The following SLC35E3 variants were observed in gnomAD, a reference collection of about 807,000 sequenced individuals.
The protein encoded by SLC35E3 is solute carrier family 35 member E3.
A neutral mutation model predicts 30.8 loss-of-function variants in SLC35E3; 28 were observed. The ratio of observed to expected loss-of-function variants is 0.91; its 90% CI spans 0.67 to 1.25. SLC35E3 has a LOEUF of 1.25. Among genes scored for constraint, SLC35E3 ranks in the 50% most tolerant of loss-of-function variants. The pLI is 0.00. For synonymous variants in SLC35E3, 146 were observed against 149.2 expected (o/e 0.98, Z 0.16); for missense variants, 365 against 375.4 (o/e 0.97, Z 0.23).
rs149734088 is a variant in SLC35E3 at position 68,753,255 on chromosome 12, C to G, written c.672+1065C>G. Among the ~76,000 whole-genome samples, 613 of 151,950 alleles carry G rather than the reference C, an allele frequency of 4.0e-3. 3 individuals carry two copies. The highest frequency in any genetic ancestry group is 0.014 in the African/African-American group (580 of 41,418). Reference sequence around the variant, plus strand: ...CAAGATTGTGCCACTGCACTCCAGCCTGGGCCACAGAGCAAGACTCTGTCT... The same window carrying G: ...CAAGATTGTGCCACTGCACTCCAGCGTGGGCCACAGAGCAAGACTCTGTCT... On this transcript the variant is annotated intron_variant, in intron 3 of 4. Transcript: ENST00000398004.
rs760922773 is a variant in SLC35E3 at position 68,771,090 on chromosome 12, A to G, written c.*6200A>G. On this transcript the variant is annotated 3_prime_UTR_variant, in exon 5 of 5. Transcript: ENST00000398004. ...GGAGTTTGAGACCAGCCTGACCAAC[A>G]TGGTGAAACCCCGTCTCTACTAAAA... 3.9e-5 allele frequency: 6 copies of G among 152,200 alleles called. No homozygotes were observed. The highest frequency in any genetic ancestry group is 5.9e-5 in the Non-Finnish European group (4 of 68,100). 9.4% of individuals were successfully genotyped at this position (152,200 alleles called of 1,614,324 possible).
chr12:68,757,360 T>C (rs1194317490), intron 3 of SLC35E3, among the ~76,000 whole-genome samples: 1 of 152,192 alleles, frequency 6.6e-6, no homozygotes, highest in Non-Finnish European at 1.5e-5. Context: ...CAAGTTTAAG[T>C]TTTCTTTGGA....
In SLC35E3 at chr12:68,780,295, A is replaced by G. The variant is rs974032122; in HGVS notation, c.*15405A>G. On this transcript the variant is annotated 3_prime_UTR_variant, in exon 5 of 5. Coordinates refer to ENST00000398004, the MANE Select transcript of SLC35E3 (RefSeq NM_018656.5). The stretch of plus-strand genomic sequence containing the variant: ...GTGATACTCCCGCCTCAGCCTCCCA[A>G]GTAGCTGGGACTACAGGCATGCACC... The G allele has an allele frequency of 3.3e-5, 5 of 151,888 alleles. No individual in the cohort carries two copies. Among genetic ancestry groups the G allele is most frequent in the African/African-American group, 9.7e-5 (4 of 41,434 alleles). The allele number at this position is 151,888 out of a possible 1,614,324, so 9.4% of individuals were successfully genotyped here.
At chr12:68,756,244 A>AT (rs1003112193) in intron 3 of SLC35E3, among the ~76,000 whole-genome samples, 2 of 146,986 alleles carry the variant, frequency 1.4e-5, no homozygotes, top group Non-Finnish European at 3.0e-5. Context: ...AGGAGAGAGG[A>AT]TTTTTTTCGT....
In SLC35E3 at chr12:68,766,486, CAA is replaced by C. The variant is rs57012731; in HGVS notation, c.*1613_*1614del. ...GGGCAACAAGAGTGAAACTCCATCT[CAA>C]AAAAAAAAAAAAAAAATAGCCCTAT... On this transcript the variant is annotated 3_prime_UTR_variant, in exon 5 of 5. Coordinates refer to ENST00000398004, the MANE Select transcript of SLC35E3 (RefSeq NM_018656.5). The C allele has an allele frequency of 7.2e-3, 604 of 83,344 alleles. No homozygotes were observed. The highest frequency in any genetic ancestry group is 0.036 in the South Asian group (177 of 4,856). The allele number at this position is 83,344 out of a possible 1,614,324, so 5.2% of individuals were successfully genotyped here. A position where few individuals can be genotyped will look rare whatever the true frequency, so the allele number is the denominator to read the frequency against.
chr12:68,761,697 C>T (rs969171631), intron 4 of SLC35E3, among the ~76,000 whole-genome samples: 5 of 152,082 alleles, frequency 3.3e-5, no homozygotes, highest in South Asian at 4.1e-4. Context: ...GAGACTGCTA[C>T]GATATTCTAA....
intron 4 of SLC35E3, 64 bp from the exon 5 acceptor site, chr12:68,764,640 A>AGT (rs1362010957): frequency 4.7e-6 from 7 of 1,495,818 alleles, no homozygotes; most frequent in Non-Finnish European, 3.7e-6. Flanking sequence ...ATGCAGTGCG[A>AGT]GTGTGTGTGT....
chr12:68,748,097 C>A, intron 2 of SLC35E3, 57 bp downstream of exon 2: 2 of 999,108 alleles, frequency 2.0e-6, no homozygotes, highest in Non-Finnish European at 3.2e-6. Flanking sequence ...AATTTTGAAG[C>A]TGTATTCCAA....
rs1374774975 is a variant in SLC35E3, at chr12:68,746,713, G to C, written c.336G>C (p.Pro112=). 3 of 1,613,686 alleles carry C rather than the reference G, an allele frequency of 1.9e-6. No homozygotes were observed. The highest frequency in any genetic ancestry group is 3.3e-5 in the Admixed American group (2 of 59,988). The change falls in exon 1 of 5, where the codon CCG becomes CCC. Residue 112 remains proline, a synonymous_variant. Transcript: ENST00000398004. Reference sequence around the variant, plus strand: ...AGCTGGCCAAGGCCATGACCACGCCGGTGATCATAGCCATCCAGACCTTCT... The same window carrying C: ...AGCTGGCCAAGGCCATGACCACGCCCGTGATCATAGCCATCCAGACCTTCT... ...TYQLAKAMTT[P]VIIAIQTFCY...
At position 68,767,086 on chromosome 12, in the gene SLC35E3, A is replaced by C. The variant is rs1879450826; in HGVS notation, c.*2196A>C. ...AGCCATATAGAAACAGCCATATAAG[A>C]TCCCAATATAGAAAAATTGGGATAT... On this transcript the variant is annotated 3_prime_UTR_variant, in exon 5 of 5. Transcript: ENST00000398004. The C allele has an allele frequency of 6.5e-6, 1 of 154,552 alleles. No homozygotes were observed. Among genetic ancestry groups the C allele is most frequent in the Non-Finnish European group, 1.4e-5 (1 of 69,364 alleles). The allele number at this position is 154,552 out of a possible 1,614,324, so 9.6% of individuals were successfully genotyped here.
Position 68,746,381 on chromosome 12 carries a change from G to C in SLC35E3, c.4G>C (p.Ala2Pro). M[A>P]LLVDRVRGHW... ...CGGCCCCAGCTTCGCGGGGATCATGGCATTGCTGGTGGACCGAGTGCGGGG... is the reference window on the plus strand; with the variant it reads ...CGGCCCCAGCTTCGCGGGGATCATGCCATTGCTGGTGGACCGAGTGCGGGG... The change falls in exon 1 of 5, where the codon GCA becomes CCA. Residue 2 changes from alanine to proline, a missense_variant. Ala to Pro is a conservative substitution (Grantham distance 27, BLOSUM62 -1). Transcript: ENST00000398004. 6.3e-7 allele frequency: 1 copy of C among 1,585,274 alleles called. No individual in the cohort carries two copies. Among genetic ancestry groups the C allele is most frequent in the South Asian group, 1.2e-5 (1 of 86,298 alleles).
rs1879754067 is a variant in SLC35E3 at position 68,776,678 on chromosome 12, T to G, written c.*11788T>G. ...TCCAGCCTGGATGACAGAATGAAAC[T>G]GTGTCTCAAAAAGAAAAAAAAAAAC... On this transcript the variant is annotated 3_prime_UTR_variant, in exon 5 of 5. Coordinates refer to ENST00000398004, the MANE Select transcript of SLC35E3 (RefSeq NM_018656.5). 6.8e-6 allele frequency: 1 copy of G among 146,558 alleles called. No individual in the cohort carries two copies. The highest frequency in any genetic ancestry group is 2.4e-5 in the African/African-American group (1 of 40,900). 9.1% of individuals were successfully genotyped at this position (146,558 alleles called of 1,614,324 possible). A position where few individuals can be genotyped will look rare whatever the true frequency, so the allele number is the denominator to read the frequency against.
chr12:68,759,127 G>A, intron 3 of SLC35E3, 30 bp from the exon 4 acceptor site: 1 of 1,454,216 alleles, frequency 6.9e-7, no homozygotes, highest in African/African-American at 1.4e-5. Context: ...GCAGTGCTTT[G>A]CATTAATGGT....
chr12:68,756,658 T>A (rs903098515), intron 3 of SLC35E3, among the ~76,000 whole-genome samples: 1 of 152,094 alleles, frequency 6.6e-6, no homozygotes, highest in Non-Finnish European at 1.5e-5. Flanking sequence ...TGGTTTAACA[T>A]ACAAAAGTCA....
At chr12:68,746,935 G>C (rs1264403353) in intron 1 of SLC35E3, among the ~76,000 whole-genome samples, 156 bp downstream of exon 1, 3 of 152,226 alleles carry the variant, frequency 2.0e-5, no homozygotes, top group Non-Finnish European at 4.4e-5. Context: ...TTTAGGGAGG[G>C]GGAAAAGGCC....
chr12:68,763,008 T>C (rs1274657798), intron 4 of SLC35E3, among the ~76,000 whole-genome samples: 40 of 152,194 alleles, frequency 2.6e-4, no homozygotes, highest in Admixed American at 2.6e-3. Flanking sequence ...TGATCACTTA[T>C]GAAATGTATG....
chr12:68,749,494 A>T (rs1878713068), intron 2 of SLC35E3, among the ~76,000 whole-genome samples: 1 of 152,184 alleles, frequency 6.6e-6, no homozygotes, highest in African/African-American at 2.4e-5. Context: ...TCTTTTCTGC[A>T]TTATGTTCAC....
intron 3 of SLC35E3, among the ~76,000 whole-genome samples, chr12:68,753,945 G>A (rs1408396838): frequency 2.0e-5 from 3 of 151,798 alleles, no homozygotes; most frequent in Non-Finnish European, 2.9e-5. Flanking sequence ...TCCGCCTCCC[G>A]GGTTCAAGCG....
rs769741052 is a variant in SLC35E3 at position 68,765,698 on chromosome 12, G to GTA, written c.*817_*818dup. Reference sequence around the variant, plus strand: ...TACACACACACATACATATACATGTGTATATATATACCATCCCATATATAT... The same window carrying GTA: ...TACACACACACATACATATACATGTGTATATATATATACCATCCCATATATAT... On this transcript the variant is annotated 3_prime_UTR_variant, in exon 5 of 5. Transcript: ENST00000398004. 5 of 149,650 alleles carry GTA rather than the reference G, an allele frequency of 3.3e-5. No homozygotes were observed. Among genetic ancestry groups the GTA allele is most frequent in the African/African-American group, 9.9e-5 (4 of 40,460 alleles). 9.3% of individuals were successfully genotyped at this position (149,650 alleles called of 1,614,324 possible).
Sources: allele counts gnomAD v4.1 joint callset (sites outside exome capture counted in the v4.1 genomes callset), GRCh38; gene constraint gnomAD v4.1.1; transcripts MANE v1.5; gene names NCBI Gene and HGNC (gene_info 2026-07-23, HGNC 2026-07-21).